The following SLC12A9 variants were observed in gnomAD, a reference collection of about 807,000 sequenced individuals.
SLC12A9 encodes solute carrier family 12 member 9.
SLC12A9 carries 55 observed loss-of-function variants against 66.0 expected under a neutral mutation model. The observed-to-expected ratio is 0.83, with a 90% CI of 0.67 to 1.04. SLC12A9 has a LOEUF of 1.04. SLC12A9 is among the 50% of genes least tolerant of loss of function. The pLI, the probability that SLC12A9 is intolerant of heterozygous loss-of-function variation, is 0.00. For synonymous variants in SLC12A9, 577 were observed against 569.0 expected, an observed-to-expected ratio of 1.01 and a Z score of -0.20; for missense variants, 1,061 against 1,241.9, an observed-to-expected ratio of 0.85 and a Z score of 2.19.
At position 100,866,360 on chromosome 7, in the gene SLC12A9, G is replaced by A; in HGVS notation, c.2500G>A (p.Ala834Thr). The A allele has an allele frequency of 6.6e-7, 1 of 1,512,962 alleles. No individual in the cohort carries two copies. 93.7% of individuals were successfully genotyped at this position (1,512,962 alleles called of 1,614,324 possible). A position where few individuals can be genotyped will look rare whatever the true frequency, so the allele number is the denominator to read the frequency against. The change falls in exon 14 of 14, where the codon GCA becomes ACA. Residue 834 changes from alanine (A) to threonine (T), a missense_variant. Coordinates refer to ENST00000354161, the MANE Select transcript of SLC12A9 (RefSeq NM_020246.4). The surrounding 1 kb of genome is among the most constrained non-coding windows in gnomAD (Gnocchi z 7.3). Reference protein sequence around the residue: ...GRGDAEAEALARSANALVRAQ... With the variant: ...GRGDAEAEALTRSANALVRAQ... ...GGGAGACGCAGAGGCAGAGGCCCTG[G>A]CACGCAGCGCCAACGCCCTGGTTCG...
chr7:100,827,137 C>T, intron 1 of SLC12A9: 1 of 1,259,240 alleles, frequency 7.9e-7, no homozygotes. Context: ...CGCGGGACTC[C>T]TCGTCGGGGC....
upstream of SLC12A9, among the ~76,000 whole-genome samples, chr7:100,848,701 A>G (rs1411256769): frequency 1.3e-5 from 2 of 151,916 alleles, no homozygotes; most frequent in African/African-American, 2.4e-5. Context: ...TCTGGCTAAC[A>G]CGGTGAAACC....
chr7:100,840,049 A>G (rs1813751851), intron 1 of SLC12A9, among the ~76,000 whole-genome samples: 1 of 151,540 alleles, frequency 6.6e-6, no homozygotes. Flanking sequence ...TTTGTTTTTG[A>G]CTTGACTTAG....
At chr7:100,862,895 C>CCTAGAGAGTCAGCCACAGATTGCAAACT in intron 13 of SLC12A9, 68 bp downstream of exon 13, 1 of 1,587,158 alleles carries the variant, frequency 6.3e-7, no homozygotes, top group Non-Finnish European at 8.6e-7. Flanking sequence ...GCTCCCCTCC[C>CCTAGAGAGTCAGCCACAGATTGCAAACT]CTAGAGAGTC....
intron 7 of SLC12A9, 130 bp from the exon 8 acceptor site, chr7:100,859,755 C>A: frequency 1.8e-6 from 2 of 1,131,812 alleles, no homozygotes; most frequent in Non-Finnish European, 2.5e-6. Context: ...AAATCCAAGG[C>A]TGCCCAATGA....
intron 1 of SLC12A9, among the ~76,000 whole-genome samples, chr7:100,842,438 C>T (rs1362412598): frequency 6.6e-6 from 1 of 152,180 alleles, no homozygotes; most frequent in African/African-American, 2.4e-5. Flanking sequence ...TCAGACTGGG[C>T]ATTAGTAAAC....
chr7:100,860,054 G>A lies in SLC12A9; in HGVS notation c.1135+12G>A. ...GGATGACCTCTTTGGTGGGTTCTCT[G>A]CCTCCTTGCTGGCTTGGAGCACGCC... is the stretch of plus-strand genomic sequence containing the variant. On this transcript the variant is annotated intron_variant, in intron 8 of 13. Coordinates refer to ENST00000354161, the MANE Select transcript of SLC12A9 (RefSeq NM_020246.4). 6.2e-7 allele frequency: 1 copy of A among 1,614,102 alleles called. No individual in the cohort carries two copies. Among genetic ancestry groups the A allele is most frequent in the African/African-American group, 1.3e-5 (1 of 75,042 alleles).
At chr7:100,857,207 C>T (rs746517112) in intron 5 of SLC12A9, 31 bp downstream of exon 5, 35 of 1,590,222 alleles carry the variant, frequency 2.2e-5, no homozygotes, top group African/African-American at 9.4e-5. Flanking sequence ...GCAGGGATCT[C>T]GGGGTGAGGG....
chr7:100,831,424 G>A (rs1279653632), intron 1 of SLC12A9, among the ~76,000 whole-genome samples: 1 of 152,142 alleles, frequency 6.6e-6, no homozygotes. Flanking sequence ...GACCTAAGGT[G>A]ATCCACCTGC....
exon 1 of SLC12A9, chr7:100,826,924 T>TG (rs1429888365): frequency 2.4e-5 from 36 of 1,518,384 alleles, no homozygotes; most frequent in Non-Finnish European, 1.9e-5. Context: ...GCCCAGATGT[T>TG]GGGGGGGAGG....
rs370630298 is a variant in SLC12A9, at chr7:100,861,347, C to T, written c.1344-45C>T. On this transcript the variant is annotated intron_variant, in intron 10 of 13. Transcript: ENST00000354161. This position sits in a 1 kb window ranked among gnomAD's most constrained non-coding sequence, Gnocchi z 5.3. The stretch of plus-strand genomic sequence containing the variant: ...GGGCTGGGGACTGCAGCCTCGTGTG[C>T]GGCCTGCCCTGAGTTTCTGTCCCTC... The T allele has an allele frequency of 9.9e-6, 16 of 1,610,862 alleles. No homozygotes were observed. The highest frequency in any genetic ancestry group is 1.3e-5 in the Non-Finnish European group (15 of 1,177,790).
chr7:100,840,716 C>T (rs1484558137), intron 1 of SLC12A9, among the ~76,000 whole-genome samples: 1 of 145,834 alleles, frequency 6.9e-6, no homozygotes, highest in Non-Finnish European at 1.5e-5. Flanking sequence ...CAAAGAGAGA[C>T]AAAGTCAAAG....
intron 9 of SLC12A9, 46 bp downstream of exon 9, chr7:100,860,278 G>A (rs748414142): frequency 3.2e-6 from 5 of 1,583,054 alleles, no homozygotes; most frequent in Non-Finnish European, 3.5e-6. Context: ...CCCACCAGCT[G>A]GCAGGATGGG....
chr7:100,848,061 G>A (rs979950409), upstream of SLC12A9, among the ~76,000 whole-genome samples: 5 of 146,206 alleles, frequency 3.4e-5, no homozygotes, highest in East Asian at 6.1e-4. Context: ...ACTGCAGCCT[G>A]GGCGACAGAG....
chr7:100,849,080 C>T (rs2116555727), upstream of SLC12A9, among the ~76,000 whole-genome samples: 1 of 151,124 alleles, frequency 6.6e-6, no homozygotes, highest in South Asian at 2.1e-4. Flanking sequence ...GCGTGTACCA[C>T]CAGGCCCAGC....
intron 13 of SLC12A9, 166 bp from the exon 14 acceptor site, chr7:100,865,553 A>C (rs1815023966): frequency 6.3e-7 from 1 of 1,584,606 alleles, no homozygotes; most frequent in African/African-American, 1.3e-5. Context: ...GGAAAAATGA[A>C]AAGTCTTTAT....
At chr7:100,864,174 G>T (rs1031533550) in intron 13 of SLC12A9, among the ~76,000 whole-genome samples, 2 of 150,150 alleles carry the variant, frequency 1.3e-5, no homozygotes, top group African/African-American at 4.9e-5. Flanking sequence ...TGCCTCCCGG[G>T]TTCAAGTATT....
Position 100,861,963 on chromosome 7 carries a change from C to A in SLC12A9, c.1711+52C>A. 7.9e-7 allele frequency: 1 copy of A among 1,270,376 alleles called. No homozygotes were observed. The highest frequency in any genetic ancestry group is 1.1e-6 in the Non-Finnish European group (1 of 946,240). The allele number at this position is 1,270,376 out of a possible 1,614,324, so 78.7% of individuals were successfully genotyped here. Reference sequence around the variant, plus strand: ...CACTCCCATCCTTCTCTCCCCCTACCTTTTTTTTTTTTTTGAGATGGAGCT... The same window carrying A: ...CACTCCCATCCTTCTCTCCCCCTACATTTTTTTTTTTTTTGAGATGGAGCT... On this transcript the variant is annotated intron_variant, in intron 12 of 13. Transcript: ENST00000354161. The surrounding 1 kb of genome is among the most constrained non-coding windows in gnomAD (Gnocchi z 5.3).
rs145823004 is a variant in SLC12A9 at position 100,857,325 on chromosome 7, C to T, written c.757+149C>T. ...GCAGAGCAGTGCAATTTAATTCAAG[C>T]CTGTCTAGCGTGTGCTTGGCCGGCA... On this transcript the variant is annotated intron_variant, in intron 5 of 13. Coordinates refer to ENST00000354161, the MANE Select transcript of SLC12A9 (RefSeq NM_020246.4). 917 of 907,234 alleles carry T rather than the reference C, an allele frequency of 1.0e-3. 6 individuals are homozygous for T. The African/African-American group carries it at 0.014, about 14-fold the overall frequency. 56.2% of individuals were successfully genotyped at this position (907,234 alleles called of 1,614,324 possible).
Sources: allele counts gnomAD v4.1 joint callset (sites outside exome capture counted in the v4.1 genomes callset), GRCh38; gene constraint gnomAD v4.1.1; non-coding constraint Gnocchi (gnomAD v3.1); transcripts MANE v1.5; gene names NCBI Gene and HGNC (gene_info 2026-07-23, HGNC 2026-07-21).